Variants in LRRC37A2 observed in about 807,000 individuals in gnomAD.
The protein encoded by LRRC37A2 is leucine rich repeat containing 37 member A2, also known as leucine-rich repeat-containing protein 37A2.
In LRRC37A2, 9 loss-of-function variants were observed where a neutral mutation model predicts 68.8. The observed-to-expected ratio is 0.13, with a 90% CI of 0.08 to 0.23. The LOEUF (loss-of-function observed/expected upper bound fraction) is 0.23. Ranked by LOEUF, LRRC37A2 falls within the 10% of genes least tolerant of loss-of-function variation. LRRC37A2 has a pLI of 1.00. For missense variants in LRRC37A2, 168 were observed against 950.4 expected, an observed-to-expected ratio of 0.18 and a Z score of 10.82; for synonymous variants, 63 against 367.6, an observed-to-expected ratio of 0.17 and a Z score of 9.48.
chr17:46,741,956 G>A, the LRRC37A2 span, among the ~76,000 whole-genome samples: 148,400 of 152,286 alleles, frequency 0.97, 72,397 homozygotes, highest in East Asian at 1. Flanking sequence ...GCATTTCACC[G>A]TGTTGGTCAG....
At chr17:46,860,347 G>A in the LRRC37A2 span, among the ~76,000 whole-genome samples, 1 of 152,288 alleles carries the variant, frequency 6.6e-6, no homozygotes, top group African/African-American at 2.4e-5. Context: ...GGCTCAGGAG[G>A]AGGTGGGCCA....
At chr17:46,924,151 CCT>C in the LRRC37A2 span, 1 of 310,354 alleles carries the variant, frequency 3.2e-6, no homozygotes, top group Non-Finnish European at 5.8e-6. Flanking sequence ...CACCTAGTAA[CCT>C]CTGTTTTACT....
At chr17:46,954,168 G>A in the LRRC37A2 span, among the ~76,000 whole-genome samples, 1 of 152,140 alleles carries the variant, frequency 6.6e-6, no homozygotes, top group African/African-American at 2.4e-5. Context: ...TATGGTTTTA[G>A]GTCTAACATG....
At chr17:47,021,778 C>T in the LRRC37A2 span, 1 of 1,044,332 alleles carries the variant, frequency 9.6e-7, no homozygotes, top group Non-Finnish European at 1.5e-6. Flanking sequence ...AACAAGGTTG[C>T]AATGATTCTT....
chr17:46,753,381 T>C, the LRRC37A2 span, among the ~76,000 whole-genome samples: 6 of 152,230 alleles, frequency 3.9e-5, no homozygotes, highest in African/African-American at 9.6e-5. Context: ...AAAATAAAAT[T>C]TTTTTGACTT....
the LRRC37A2 span, among the ~76,000 whole-genome samples, chr17:46,785,288 T>G: frequency 1.3e-5 from 2 of 152,164 alleles, no homozygotes; most frequent in African/African-American, 4.8e-5. Context: ...CCTTTGGGCT[T>G]TGGCCAGCCC....
At chr17:46,715,383 C>A in the LRRC37A2 span, among the ~76,000 whole-genome samples, 1 of 152,124 alleles carries the variant, frequency 6.6e-6, no homozygotes, top group Admixed American at 6.6e-5. Flanking sequence ...TAACCCACTT[C>A]TTCTGGTAAA....
chr17:46,740,045 G>A, the LRRC37A2 span, among the ~76,000 whole-genome samples: 4 of 152,134 alleles, frequency 2.6e-5, no homozygotes, highest in Non-Finnish European at 5.9e-5. Context: ...CATAGGCCCT[G>A]GGCACTGTGT....
chr17:47,038,129 C>G, the LRRC37A2 span, among the ~76,000 whole-genome samples: 4 of 152,146 alleles, frequency 2.6e-5, no homozygotes, highest in African/African-American at 9.6e-5. Flanking sequence ...CATACTGAGA[C>G]CTTATCTCTA....
chr17:46,773,704 C>G, the LRRC37A2 span: 20 of 1,371,560 alleles, frequency 1.5e-5, no homozygotes, highest in Non-Finnish European at 1.9e-5. Flanking sequence ...GCCAGGCTGT[C>G]ATCTATGGTG....
the LRRC37A2 span, among the ~76,000 whole-genome samples, chr17:46,718,655 A>T: frequency 5.0e-4 from 76 of 152,286 alleles, no homozygotes; most frequent in Non-Finnish European, 3.8e-4. Flanking sequence ...GGGCTTGCTC[A>T]GCTCTCCACA....
At chr17:47,015,776 A>G in the LRRC37A2 span, among the ~76,000 whole-genome samples, 1 of 152,142 alleles carries the variant, frequency 6.6e-6, no homozygotes, top group Non-Finnish European at 1.5e-5. Flanking sequence ...CTGTAAAATA[A>G]TAATTTTAAT....
At chr17:46,829,571 CCT>C in the LRRC37A2 span, among the ~76,000 whole-genome samples, 1 of 152,154 alleles carries the variant, frequency 6.6e-6, no homozygotes, top group Non-Finnish European at 1.5e-5. Context: ...TCTCAGGCTC[CCT>C]GAGTGTGTTT....
chr17:46,930,998 TC>T, the LRRC37A2 span: 57 of 735,996 alleles, frequency 7.7e-5, no homozygotes, highest in African/African-American at 9.2e-4. Context: ...AATATGTAGT[TC>T]TAGTTTATTG....
chr17:47,000,053 TAAAATA>T, the LRRC37A2 span, among the ~76,000 whole-genome samples: 12 of 30,086 alleles, frequency 4.0e-4, 1 homozygote, highest in East Asian at 7.7e-3. Flanking sequence ...TAAAATAAAA[TAAAATA>T]AAATTAAAAT....
the LRRC37A2 span, among the ~76,000 whole-genome samples, chr17:46,716,499 C>T: frequency 3.9e-5 from 6 of 152,062 alleles, no homozygotes; most frequent in African/African-American, 1.4e-4. Flanking sequence ...CCTCATGATC[C>T]GCACGCCTCA....
chr17:46,545,423 G>C (rs1193996911), intron 8 of LRRC37A2, among the ~76,000 whole-genome samples: 95 of 110,528 alleles, frequency 8.6e-4, no homozygotes, highest in African/African-American at 4.2e-3. Context: ...CTGTATTTCA[G>C]CCTGGGTGAC....
chr17:46,721,451 C>A, the LRRC37A2 span: 1 of 636,916 alleles, frequency 1.6e-6, no homozygotes, highest in Non-Finnish European at 2.7e-6. Flanking sequence ...TCCCTCCTAA[C>A]TTTAAGACCC....
the LRRC37A2 span, among the ~76,000 whole-genome samples, chr17:46,766,068 A>C: frequency 6.6e-6 from 1 of 152,174 alleles, no homozygotes; most frequent in East Asian, 1.9e-4. Flanking sequence ...AGGAAAAAAA[A>C]CACTCATTGT....
Sources: allele counts gnomAD v4.1 joint callset (sites outside exome capture counted in the v4.1 genomes callset), GRCh38; gene constraint gnomAD v4.1.1; transcripts MANE v1.5; gene names NCBI Gene and HGNC (gene_info 2026-07-23, HGNC 2026-07-21).